The following ALLC variants were observed in gnomAD, a reference collection of about 807,000 sequenced individuals.
ALLC encodes the protein probable inactive allantoicase.
Under a neutral mutation model 45.0 loss-of-function variants are expected in ALLC, and 40 were observed. The ratio of observed to expected loss-of-function variants is 0.89; its 90% CI spans 0.69 to 1.16. ALLC has a LOEUF of 1.16. ALLC is among the 50% of genes most tolerant of loss of function. The pLI is 0.00. For missense variants in ALLC, 488 were observed against 493.1 expected (o/e 0.99, Z 0.10); for synonymous variants, 176 against 178.1 (o/e 0.99, Z 0.09).
chr2:3,648,541 A>C, the ALLC span, among the ~76,000 whole-genome samples: 1 of 152,194 alleles, frequency 6.6e-6, no homozygotes, highest in Non-Finnish European at 1.5e-5. Flanking sequence ...GGGATCCTGC[A>C]GGGTCTGGGG....
At chr2:3,681,181 A>C (rs1393897742) in intron 5 of ALLC, among the ~76,000 whole-genome samples, 1 of 152,146 alleles carries the variant, frequency 6.6e-6, no homozygotes, top group Non-Finnish European at 1.5e-5. Flanking sequence ...TGCTACTCTA[A>C]AAGCGGAAAT....
At chr2:3,667,657 T>G (rs1244112113) in intron 1 of ALLC, among the ~76,000 whole-genome samples, 1 of 152,250 alleles carries the variant, frequency 6.6e-6, no homozygotes. Context: ...ACGACATTCC[T>G]GTGAACTCAC....
intron 3 of ALLC, among the ~76,000 whole-genome samples, chr2:3,677,518 G>T (rs771558143): frequency 2.0e-5 from 3 of 152,230 alleles, no homozygotes; most frequent in Non-Finnish European, 4.4e-5. Context: ...CACATTTAAG[G>T]TTGACAACAG....
chr2:3,685,408 G>A (rs1188485454), intron 7 of ALLC, among the ~76,000 whole-genome samples: 1 of 150,748 alleles, frequency 6.6e-6, no homozygotes, highest in African/African-American at 2.4e-5. Flanking sequence ...AGCAAGGCAT[G>A]TCTTACATGG....
At chr2:3,657,002 G>C (rs549002823), upstream of ALLC, among the ~76,000 whole-genome samples, 1 of 152,342 alleles carries the variant, frequency 6.6e-6, no homozygotes, top group South Asian at 2.1e-4. Flanking sequence ...GCTGTGGCGG[G>C]GAAGTCACGG....
At chr2:3,682,508 T>G (rs1180955402) in intron 6 of ALLC, among the ~76,000 whole-genome samples, 6 of 152,204 alleles carry the variant, frequency 3.9e-5, no homozygotes, top group Admixed American at 3.9e-4. Flanking sequence ...TCATTAGGTA[T>G]CCATCATTAT....
In ALLC at chr2:3,682,732, A is replaced by T. The variant is rs941662727; in HGVS notation, c.379-210A>T. On this transcript the variant is annotated intron_variant, in intron 6 of 11. Coordinates refer to ENST00000252505, the MANE Select transcript of ALLC (RefSeq NM_018436.4). ...AGTACAGACGGGGTTTCACCGTGTTAGCCAGGATGGTCTCGATCTCCTGAC... is the reference window on the plus strand; with the variant it reads ...AGTACAGACGGGGTTTCACCGTGTTTGCCAGGATGGTCTCGATCTCCTGAC... 9.2e-5 allele frequency among the ~76,000 whole-genome samples: 14 copies of T among 152,104 alleles called. 1 individual carries two copies. The East Asian group carries it at 9.7e-4, about 11-fold the overall frequency.
upstream of ALLC, among the ~76,000 whole-genome samples, chr2:3,654,812 C>T (rs1318734380): frequency 2.0e-5 from 3 of 152,268 alleles, no homozygotes; most frequent in South Asian, 4.1e-4. Context: ...ACAGACAGGG[C>T]ATTTGCAACT....
At chr2:3,647,715 C>A in the ALLC span, among the ~76,000 whole-genome samples, 1 of 151,826 alleles carries the variant, frequency 6.6e-6, no homozygotes, top group Non-Finnish European at 1.5e-5. Flanking sequence ...TCTCCTGATG[C>A]CCCTGGGGGT....
intron 1 of ALLC, among the ~76,000 whole-genome samples, chr2:3,669,797 C>A (rs55792518): frequency 1.2e-3 from 187 of 152,154 alleles, no homozygotes; most frequent in African/African-American, 4.0e-3. Context: ...CTGCTCCTCC[C>A]GGAGGTGGGA....
intron 3 of ALLC, among the ~76,000 whole-genome samples, chr2:3,677,684 C>T (rs997184751): frequency 2.6e-5 from 4 of 152,192 alleles, no homozygotes; most frequent in East Asian, 1.9e-4. Context: ...GTTGGCGTCT[C>T]ATGCATCAGC....
chr2:3,662,067 C>T (rs540027219), intron 1 of ALLC, among the ~76,000 whole-genome samples: 14 of 152,328 alleles, frequency 9.2e-5, no homozygotes, highest in Non-Finnish European at 1.3e-4. Context: ...CAGAGCTCAG[C>T]CATGATGTGG....
chr2:3,657,162 G>T (rs913583217), upstream of ALLC, among the ~76,000 whole-genome samples: 1 of 152,188 alleles, frequency 6.6e-6, no homozygotes, highest in African/African-American at 2.4e-5. Flanking sequence ...AAGGCCGGGC[G>T]AGCTGAGATC....
At chr2:3,659,550 A>G (rs1666518340) in intron 1 of ALLC, among the ~76,000 whole-genome samples, 1 of 152,222 alleles carries the variant, frequency 6.6e-6, no homozygotes, top group Non-Finnish European at 1.5e-5. Flanking sequence ...TGAGCTTAGA[A>G]GCAGCTGCCA....
intron 6 of ALLC, 28 bp from the exon 7 acceptor site, chr2:3,682,914 T>C (rs1667232022): frequency 1.2e-6 from 2 of 1,610,790 alleles, no homozygotes; most frequent in East Asian, 2.2e-5. Flanking sequence ...TCAAGAGCAA[T>C]TGCTGACATT....
intron 1 of ALLC, among the ~76,000 whole-genome samples, chr2:3,660,950 C>T (rs952249657): frequency 8.6e-5 from 13 of 151,966 alleles, no homozygotes; most frequent in African/African-American, 3.1e-4. Context: ...AAGTAGAAGG[C>T]AAATAATTGA....
chr2:3,663,125 AC>A (rs1431509695), intron 1 of ALLC, among the ~76,000 whole-genome samples: 11 of 152,230 alleles, frequency 7.2e-5, no homozygotes, highest in African/African-American at 2.7e-4. Flanking sequence ...ACATGCATGC[AC>A]CTGTTCACTG....
chr2:3,666,760 G>A (rs1474484245), intron 1 of ALLC, among the ~76,000 whole-genome samples: 8 of 152,176 alleles, frequency 5.3e-5, no homozygotes, highest in Non-Finnish European at 1.0e-4. Context: ...GTTTAGCACC[G>A]TTTCAAATTC....
At chr2:3,651,417 GT>G in the ALLC span, among the ~76,000 whole-genome samples, 9 of 55,218 alleles carry the variant, frequency 1.6e-4, 1 homozygote, top group South Asian at 9.4e-4. Context: ...GTGTGTGTGT[GT>G]GTGTGTGTGT....
Sources: allele counts gnomAD v4.1 joint callset (sites outside exome capture counted in the v4.1 genomes callset), GRCh38; gene constraint gnomAD v4.1.1; transcripts MANE v1.5; gene names NCBI Gene and HGNC (gene_info 2026-07-23, HGNC 2026-07-21).